Variants in POTEE observed in about 807,000 individuals in gnomAD.
The protein encoded by POTEE is ANKRD26-like family C member 1A.
POTEE carries 21 observed loss-of-function variants against 74.2 expected under a neutral mutation model. That is an observed-to-expected ratio of 0.28 (90% CI 0.20 to 0.41). The LOEUF (loss-of-function observed/expected upper bound fraction) is 0.41. Among genes scored for constraint, POTEE ranks in the 10% least tolerant of loss-of-function variants. POTEE has a pLI of 1.00. For missense variants in POTEE, 525 were observed against 1,158.6 expected (o/e 0.45, Z 7.94); for synonymous variants, 211 against 432.8 (o/e 0.49, Z 6.36).
At chr2:131,239,603 A>AT (rs1239002133) in intron 12 of POTEE, among the ~76,000 whole-genome samples, 159 bp downstream of exon 12, 4 of 110,998 alleles carry the variant, frequency 3.6e-5, no homozygotes, top group African/African-American at 1.4e-4. Flanking sequence ...ATGAGTTACC[A>AT]TTTTTCCAGG....
chr2:131,221,771 G>T (rs1700626663), intron 4 of POTEE, among the ~76,000 whole-genome samples: 1 of 152,112 alleles, frequency 6.6e-6, no homozygotes, highest in African/African-American at 2.4e-5. Context: ...TTTTAGTTGA[G>T]TTGTATGTTT....
Position 131,218,783 on chromosome 2 carries a change from C to T in POTEE, c.381C>T (p.Ala127=), listed in dbSNP as rs1321673493. The T allele has an allele frequency of 3.1e-6, 5 of 1,612,764 alleles. No individual in the cohort carries two copies. The highest frequency in any genetic ancestry group is 1.7e-5 in the Admixed American group (1 of 60,018). The change falls in exon 4 of 18, where the codon GCC becomes GCT. Residue 127 remains alanine (A), a synonymous_variant. Transcript: ENST00000683005. ...CTTGGGGAGACTACGATGACAGCGC[C>T]TTCATGGAGCCCAGGTACCACGTCC... ...VGAWGDYDDS[A]FMEPRYHVRG...
At chr2:131,222,000 G>C (rs1192015958) in intron 4 of POTEE, among the ~76,000 whole-genome samples, 4 of 152,252 alleles carry the variant, frequency 2.6e-5, no homozygotes, top group African/African-American at 9.6e-5. Flanking sequence ...ATGTTTATCT[G>C]CTGGGCTTGA....
intron 16 of POTEE, among the ~76,000 whole-genome samples, chr2:131,256,981 T>G (rs1559201644): frequency 6.6e-6 from 1 of 152,094 alleles, no homozygotes; most frequent in Non-Finnish European, 1.5e-5. Context: ...GTTTGTGTCT[T>G]GACATCAACT....
At chr2:131,224,198 ATTG>A (rs1399894082) in intron 6 of POTEE, among the ~76,000 whole-genome samples, 155 bp downstream of exon 6, 1 of 151,874 alleles carries the variant, frequency 6.6e-6, no homozygotes, top group African/African-American at 2.4e-5. Flanking sequence ...CATTTTAAAT[ATTG>A]TTACTTTCAA....
intron 6 of POTEE, among the ~76,000 whole-genome samples, chr2:131,224,267 T>C (rs1371402978): frequency 1.3e-5 from 2 of 151,334 alleles, no homozygotes; most frequent in African/African-American, 4.9e-5. Context: ...TAAATACTTT[T>C]TTTGAAAACA....
rs1205464662 is a variant in POTEE, at chr2:131,217,668, G to A, written c.-109G>A. Among the ~76,000 whole-genome samples the A allele has an allele frequency of 2.0e-5, 3 of 148,594 alleles. No individual in the cohort carries two copies. The East Asian group carries it at 6.1e-4, about 30-fold the overall frequency. On this transcript the variant is annotated 5_prime_UTR_variant, in exon 3 of 18. Coordinates refer to ENST00000683005, the MANE Select transcript of POTEE (RefSeq NM_001083538.3). ...CAAGGCTGTCAGTGACATTCGTGGC[G>A]CCAAGACTTAAGCAGGCGCGTTGCA...
chr2:131,213,070 C>T (rs1700389762), intron 2 of POTEE, among the ~76,000 whole-genome samples: 1 of 151,698 alleles, frequency 6.6e-6, no homozygotes, highest in African/African-American at 2.4e-5. Flanking sequence ...AAGCAGTTCT[C>T]CTGCCTTGGC....
intron 11 of POTEE, 103 bp downstream of exon 11, chr2:131,238,341 A>AGC (rs1403843898): frequency 7.2e-7 from 1 of 1,395,458 alleles, no homozygotes; most frequent in African/African-American, 1.6e-5. Flanking sequence ...TCATGTAAGT[A>AGC]GCATAAATCA....
At chr2:131,233,881 C>T (rs1371846132) in intron 9 of POTEE, among the ~76,000 whole-genome samples, 3 of 149,694 alleles carry the variant, frequency 2.0e-5, no homozygotes, top group Non-Finnish European at 2.9e-5. Context: ...GATGTGAGGA[C>T]GAAGGAGGAA....
rs749025491 is a variant in POTEE at position 131,218,657 on chromosome 2, C to A, written c.255C>A (p.Asp85Glu). The A allele has an allele frequency of 1.9e-6, 3 of 1,602,812 alleles. No homozygotes were observed. The highest frequency in any genetic ancestry group is 2.6e-6 in the Non-Finnish European group (3 of 1,175,438). ...SGKSNVGASG[D>E]HDDSAMKTLR... ...AGAGCAACGTGGGCGCTTCTGGAGA[C>A]CACGACGACTCTGCTATGAAGACAC... The change falls in exon 4 of 18, where the codon GAC becomes GAA. Residue 85 changes from aspartate (D) to glutamate (E), a missense_variant. Asp to Glu is a conservative substitution (Grantham distance 45, BLOSUM62 2). Transcript: ENST00000683005.
chr2:131,230,356 TTAGTCA>T (rs1700912890), intron 8 of POTEE, among the ~76,000 whole-genome samples: 1 of 152,168 alleles, frequency 6.6e-6, no homozygotes, highest in African/African-American at 2.4e-5. Context: ...CAAGATAATT[TTAGTCA>T]TAAAGTTTAG....
chr2:131,230,764 T>G, intron 8 of POTEE, 72 bp from the exon 9 acceptor site: 2 of 1,547,328 alleles, frequency 1.3e-6, no homozygotes, highest in Non-Finnish European at 8.8e-7. Flanking sequence ...CTCTTAATAA[T>G]TCTACATTTG....
At position 131,209,577 on chromosome 2, in the gene POTEE, C is replaced by T. The variant is rs1483945859; in HGVS notation, c.-587C>T. Among the ~76,000 whole-genome samples, 4 of 152,236 alleles carry T rather than the reference C, an allele frequency of 2.6e-5. No individual in the cohort carries two copies. The South Asian group carries it at 6.2e-4, about 24-fold the overall frequency. On this transcript the variant is annotated 5_prime_UTR_variant, in exon 1 of 18. Coordinates refer to ENST00000683005, the MANE Select transcript of POTEE (RefSeq NM_001083538.3). ...TGTGGGCGTTTGGTAACCGGCATGG[C>T]TGCTACCTGTTTCTGGCTGGAGCCT...
In POTEE at chr2:131,263,911, T is replaced by C. The variant is rs755603908; in HGVS notation, c.2456T>C (p.Met819Thr). The C allele has an allele frequency of 8.1e-6, 13 of 1,614,074 alleles. No homozygotes were observed. The highest frequency in any genetic ancestry group is 4.4e-5 in the South Asian group (4 of 91,088). The change falls in exon 18 of 18, where the codon ATG (methionine) becomes ACG (threonine). Residue 819 changes from methionine to threonine, a missense_variant. By Grantham distance (81) the Met-to-Thr change is moderately conservative (BLOSUM62 -1). Transcript: ENST00000683005. ...PLNPKANREK[M>T]TQIMFETFNT... ...AACCCCAAGGCCAACCGCGAGAAGA[T>C]GACCCAGATCATGTTTGAGACCTTC... is the stretch of plus-strand genomic sequence containing the variant.
At chr2:131,226,713 T>G in intron 6 of POTEE, 110 bp from the exon 7 acceptor site, 1 of 1,535,472 alleles carries the variant, frequency 6.5e-7, no homozygotes, top group Non-Finnish European at 8.8e-7. Context: ...TACATTTTAT[T>G]TACTTTCTAT....
chr2:131,262,906 T>C (rs867134148), intron 17 of POTEE, among the ~76,000 whole-genome samples: 44 of 152,196 alleles, frequency 2.9e-4, no homozygotes, highest in Non-Finnish European at 5.1e-4. Flanking sequence ...TGTCCAAATA[T>C]ATGCATAGCT....
intron 6 of POTEE, among the ~76,000 whole-genome samples, chr2:131,224,252 TGTG>T (rs905999610): frequency 5.9e-5 from 9 of 151,594 alleles, no homozygotes; most frequent in Admixed American, 2.6e-4. Flanking sequence ...TTAATGCACT[TGTG>T]GTAAATACTT....
At chr2:131,229,987 A>G (rs1286416044) in intron 8 of POTEE, among the ~76,000 whole-genome samples, 1 of 152,164 alleles carries the variant, frequency 6.6e-6, no homozygotes, top group Admixed American at 6.6e-5. Context: ...CTCCCATGTC[A>G]GCTGGAATTG....
Sources: allele counts gnomAD v4.1 joint callset (sites outside exome capture counted in the v4.1 genomes callset), GRCh38; gene constraint gnomAD v4.1.1; transcripts MANE v1.5; gene names NCBI Gene and HGNC (gene_info 2026-07-23, HGNC 2026-07-21).